Variants in FBXL17 observed in about 807,000 individuals in gnomAD.
FBXL17 encodes F-box and leucine rich repeat protein 17.
A neutral mutation model predicts 66.2 loss-of-function variants in FBXL17; 22 were observed. The observed-to-expected ratio is 0.33, with a 90% confidence interval of 0.24 to 0.47. FBXL17 has a LOEUF of 0.47. Ranked by LOEUF, FBXL17 falls within the 20% of genes least tolerant of loss-of-function variation. The pLI, the probability that FBXL17 is intolerant of heterozygous loss-of-function variation, is 1.00. For synonymous variants in FBXL17, 474 were observed against 400.5 expected, an observed-to-expected ratio of 1.18 and a Z score of -2.19; for missense variants, 878 against 948.2, an observed-to-expected ratio of 0.93 and a Z score of 0.97.
chr5:108,343,616 G>A (rs971259719), intron 4 of FBXL17, among the ~76,000 whole-genome samples: 1 of 152,070 alleles, frequency 6.6e-6, no homozygotes, highest in Non-Finnish European at 1.5e-5. Flanking sequence ...GTAAGAGTCA[G>A]GAAATGGAAG....
At chr5:108,095,991 C>T (rs116805614) in intron 6 of FBXL17, among the ~76,000 whole-genome samples, 262 of 152,226 alleles carry the variant, frequency 1.7e-3, no homozygotes, top group African/African-American at 6.1e-3. Context: ...GCTAAAACTG[C>T]TCTAAATCTG....
At chr5:108,172,039 C>T (rs1752624083) in intron 6 of FBXL17, among the ~76,000 whole-genome samples, 1 of 152,148 alleles carries the variant, frequency 6.6e-6, no homozygotes, top group Non-Finnish European at 1.5e-5. Flanking sequence ...AACTGAGAGT[C>T]CAATTAAGCC....
At chr5:107,924,826 C>A (rs1198042948) in intron 7 of FBXL17, among the ~76,000 whole-genome samples, 1 of 152,208 alleles carries the variant, frequency 6.6e-6, no homozygotes, top group Non-Finnish European at 1.5e-5. Flanking sequence ...AATAAAATTT[C>A]TTGTGCCTAA....
intron 4 of FBXL17, among the ~76,000 whole-genome samples, chr5:108,317,656 A>C (rs952022113): frequency 1.3e-5 from 2 of 151,454 alleles, no homozygotes; most frequent in Non-Finnish European, 3.0e-5. Context: ...AAAAAATTTC[A>C]AACATCTTAA....
chr5:108,087,846 T>C (rs1220440642), intron 6 of FBXL17, among the ~76,000 whole-genome samples: 2 of 152,152 alleles, frequency 1.3e-5, no homozygotes, highest in Non-Finnish European at 1.5e-5. Flanking sequence ...CATTATTTAA[T>C]AAATTGAAGT....
intron 6 of FBXL17, among the ~76,000 whole-genome samples, chr5:108,046,964 C>A (rs1747275285): frequency 2.0e-5 from 3 of 152,114 alleles, no homozygotes; most frequent in Admixed American, 2.0e-4. Context: ...TAGGGTAGGT[C>A]TCCTGGTGAC....
intron 6 of FBXL17, among the ~76,000 whole-genome samples, chr5:108,067,888 C>G (rs770171171): frequency 6.6e-6 from 1 of 152,196 alleles, no homozygotes; most frequent in Non-Finnish European, 1.5e-5. Flanking sequence ...TTCTAAGTTA[C>G]AGGCTAAGCA....
rs1752455100 is a variant in FBXL17 at position 108,167,480 on chromosome 5, T to C, written c.1745+18637A>G. Among the ~76,000 whole-genome samples, 2 of 152,140 alleles carry C rather than the reference T, an allele frequency of 1.3e-5. 1 individual carries two copies. The highest frequency in any genetic ancestry group is 4.8e-5 in the African/African-American group (2 of 41,438). On this transcript the variant is annotated intron_variant, in intron 6 of 8. Transcript: ENST00000542267. ...TTAGCAAGGTTAGTGAATGACCCAG[T>C]GATAAAATTTTGGAACAAAAACAAA...
At chr5:108,036,638 T>C (rs932877824) in intron 6 of FBXL17, among the ~76,000 whole-genome samples, 8 of 152,142 alleles carry the variant, frequency 5.3e-5, no homozygotes, top group African/African-American at 1.9e-4. Context: ...TTGTGACCAT[T>C]GTATGAAGTA....
At chr5:108,359,124 C>T (rs988665148) in intron 3 of FBXL17, among the ~76,000 whole-genome samples, 1 of 152,104 alleles carries the variant, frequency 6.6e-6, no homozygotes, top group Non-Finnish European at 1.5e-5. Context: ...TTTTCTCATA[C>T]AATCCTTTTT....
intron 6 of FBXL17, among the ~76,000 whole-genome samples, chr5:108,121,697 C>T (rs1750507387): frequency 1.3e-5 from 2 of 152,016 alleles, no homozygotes; most frequent in Admixed American, 6.5e-5. Flanking sequence ...GCTGGGACTA[C>T]AGGCACCCGC....
In FBXL17 at chr5:108,148,953, G is replaced by C. The variant is rs150097927; in HGVS notation, c.1745+37164C>G. 4.4e-3 allele frequency among the ~76,000 whole-genome samples: 668 copies of C among 152,298 alleles called. 2 individuals carry two copies. Among genetic ancestry groups the C allele is most frequent in the African/African-American group, 0.015 (641 of 41,556 alleles). On this transcript the variant is annotated intron_variant, in intron 6 of 8. Transcript: ENST00000542267. ...AATGTTAACTACATGTCAGTCCTGT[G>C]TTATGTAAAACATTATGAGTCCTCA...
At chr5:108,114,059 AG>A (rs1561416888) in intron 6 of FBXL17, among the ~76,000 whole-genome samples, 2 of 152,218 alleles carry the variant, frequency 1.3e-5, no homozygotes, top group African/African-American at 2.4e-5. Flanking sequence ...TTATACAAAA[AG>A]ACTTGTGGCA....
At chr5:108,218,058 C>T (rs1250966064) in intron 5 of FBXL17, among the ~76,000 whole-genome samples, 1 of 142,766 alleles carries the variant, frequency 7.0e-6, no homozygotes, top group African/African-American at 2.6e-5. Context: ...CACTCTGTCG[C>T]CTAGGCTGGA....
chr5:108,225,720 A>C (rs180671512), intron 4 of FBXL17, among the ~76,000 whole-genome samples: 4 of 152,316 alleles, frequency 2.6e-5, no homozygotes, highest in African/African-American at 7.2e-5. Flanking sequence ...CTTGGTTCTA[A>C]CAGCCCTAGC....
At position 107,905,847 on chromosome 5, in the gene FBXL17, C is replaced by G. The variant is rs948287752; in HGVS notation, c.1823-24668G>C. Among the ~76,000 whole-genome samples the G allele has an allele frequency of 4.6e-5, 7 of 152,114 alleles. No individual in the cohort carries two copies. The South Asian group carries it at 8.3e-4, about 18-fold the overall frequency. ...TATATGTTTCACATTTTCTCTGGGC[C>G]TCAGCTGCCTCAGGCAGCTACAGCC... On this transcript the variant is annotated intron_variant, in intron 7 of 8. Transcript: ENST00000542267.
At position 108,347,071 on chromosome 5, in the gene FBXL17, T is replaced by C. The variant is rs182375109; in HGVS notation, c.1506+1328A>G. 3.3e-5 allele frequency among the ~76,000 whole-genome samples: 5 copies of C among 152,290 alleles called. No individual in the cohort carries two copies. The East Asian group carries it at 9.6e-4, about 29-fold the overall frequency. On this transcript the variant is annotated intron_variant, in intron 4 of 8. Coordinates refer to ENST00000542267, the MANE Select transcript of FBXL17 (RefSeq NM_001163315.3). ...TTTTCAAATACAGACATGCATTGCT[T>C]AATGACAGGAAAATGTTATGAGAAA...
intron 4 of FBXL17, chr5:108,299,826 T>G: frequency 1.0e-6 from 1 of 984,916 alleles, no homozygotes; most frequent in Non-Finnish European, 1.2e-6. Flanking sequence ...CGACAAAATG[T>G]CAGTCGAGAA....
chr5:108,199,251 A>C (rs1330496782), intron 5 of FBXL17, among the ~76,000 whole-genome samples: 1 of 152,212 alleles, frequency 6.6e-6, no homozygotes, highest in Non-Finnish European at 1.5e-5. Flanking sequence ...TACAGACAGG[A>C]TAACATGAAT....
Sources: allele counts gnomAD v4.1 joint callset (sites outside exome capture counted in the v4.1 genomes callset), GRCh38; gene constraint gnomAD v4.1.1; transcripts MANE v1.5; gene names NCBI Gene and HGNC (gene_info 2026-07-23, HGNC 2026-07-21).